The following KIRREL3 variants were observed in gnomAD, a reference collection of about 807,000 sequenced individuals.
KIRREL3 encodes the protein kin of IRRE-like protein 3.
In KIRREL3, 36 loss-of-function variants were observed where a neutral mutation model predicts 89.7. The ratio of observed to expected loss-of-function variants is 0.40; its 90% confidence interval spans 0.31 to 0.53. The LOEUF is 0.53. KIRREL3 is among the 20% of genes least tolerant of loss of function. The pLI is 0.49. For missense variants in KIRREL3, 864 were observed against 1,056.6 expected (o/e 0.82, Z 2.53); for synonymous variants, 445 against 441.4 (o/e 1.01, Z -0.10).
At chr11:126,936,360 A>G (rs889188296) in intron 1 of KIRREL3, 6 of 152,230 alleles carry the variant, frequency 3.9e-5, no homozygotes, top group Non-Finnish European at 7.3e-5. Flanking sequence ...TAAATTTACC[A>G]TATGATCCAG....
chr11:126,425,571 G>T, intron 16 of KIRREL3, 67 bp downstream of exon 16: 2 of 1,312,786 alleles, frequency 1.5e-6, no homozygotes, highest in Non-Finnish European at 1.1e-6. Context: ...ATAGATTTGG[G>T]GTTTGGGCCA....
In KIRREL3 at chr11:126,941,209, C is replaced by G. The variant is rs542894405; in HGVS notation, c.55+59246G>C. Among the ~76,000 whole-genome samples, 4 of 152,208 alleles carry G rather than the reference C, an allele frequency of 2.6e-5. No individual in the cohort carries two copies. In the South Asian group the frequency reaches 6.2e-4, roughly 24 times the overall value. ...TCCTCTTGTCTCTCAGTGTTAGACT[C>G]ACCCTCAGCATCATTTTTGGCAGTG... On this transcript the variant is annotated intron_variant, in intron 1 of 16. Transcript: ENST00000525144.
rs1032791507 is a variant in KIRREL3 at position 126,766,746 on chromosome 11, A to G, written c.56-203834T>C. On this transcript the variant is annotated intron_variant, in intron 1 of 16. Transcript: ENST00000525144. This position sits in a 1 kb window ranked among gnomAD's most constrained non-coding sequence, Gnocchi z 4.2. Reference sequence around the variant, plus strand: ...GCCTGGGGGAGGCGGGTGTTGTAAAACTTAATGATCATCTTTCTGACTGGG... The same window carrying G: ...GCCTGGGGGAGGCGGGTGTTGTAAAGCTTAATGATCATCTTTCTGACTGGG... Among the ~76,000 whole-genome samples the G allele has an allele frequency of 3.9e-5, 6 of 152,154 alleles. No homozygotes were observed. Among genetic ancestry groups the G allele is most frequent in the Non-Finnish European group, 7.4e-5 (5 of 68,026 alleles).
intron 1 of KIRREL3, among the ~76,000 whole-genome samples, chr11:126,625,278 GCTTCCCCTGGTCTATTCTCAGTTAC>G (rs1397961571): frequency 6.6e-6 from 1 of 152,104 alleles, no homozygotes; most frequent in Non-Finnish European, 1.5e-5. Flanking sequence ...TCTCAGGACT[GCTTCCCCTGGTCTATTCTCAGTTAC>G]CTTTAGGTAG....
At position 126,830,339 on chromosome 11, in the gene KIRREL3, A is replaced by G. The variant is rs564451448; in HGVS notation, c.55+170116T>C. Reference sequence around the variant, plus strand: ...TTGCCACTTTCCATCCTCCTGCTTCATAAGTATGAACAGCATCATTACCAA... The same window carrying G: ...TTGCCACTTTCCATCCTCCTGCTTCGTAAGTATGAACAGCATCATTACCAA... On this transcript the variant is annotated intron_variant, in intron 1 of 16. Transcript: ENST00000525144. The surrounding 1 kb of genome is among the most constrained non-coding windows in gnomAD (Gnocchi z 4.9). Among the ~76,000 whole-genome samples, 25 of 152,322 alleles carry G rather than the reference A, an allele frequency of 1.6e-4. No individual in the cohort carries two copies. The highest frequency in any genetic ancestry group is 3.4e-3 in the Middle Eastern group (1 of 294).
intron 1 of KIRREL3, among the ~76,000 whole-genome samples, chr11:126,866,578 C>G (rs894249454): frequency 1.1e-5 from 1 of 87,486 alleles, no homozygotes; most frequent in Admixed American, 1.3e-4. Context: ...TAAGTGAGGA[C>G]AAGCCACTCC....
intron 1 of KIRREL3, among the ~76,000 whole-genome samples, chr11:126,674,570 C>A (rs1325284068): frequency 6.6e-6 from 1 of 152,186 alleles, no homozygotes; most frequent in Non-Finnish European, 1.5e-5. Flanking sequence ...TAATTCCAAG[C>A]AAGAAATCAT....
At chr11:126,743,576 T>G (rs1255314730) in intron 1 of KIRREL3, among the ~76,000 whole-genome samples, 1 of 152,236 alleles carries the variant, frequency 6.6e-6, no homozygotes, top group African/African-American at 2.4e-5. Context: ...GAAGAATTCT[T>G]GTTGGACGAA....
chr11:126,922,871 T>C (rs1218151946), intron 1 of KIRREL3, among the ~76,000 whole-genome samples: 2 of 152,198 alleles, frequency 1.3e-5, no homozygotes, highest in East Asian at 3.9e-4. Flanking sequence ...CAATCCGCAG[T>C]GTTCTGGCAC....
At chr11:126,818,613 GTA>G in intron 1 of KIRREL3, among the ~76,000 whole-genome samples, 1 of 92,354 alleles carries the variant, frequency 1.1e-5, no homozygotes, top group South Asian at 3.7e-4. Context: ...TGTAGTAGTA[GTA>G]GTAGTAGTAG....
At position 126,575,657 on chromosome 11, in the gene KIRREL3, T is replaced by C. The variant is rs1941216850; in HGVS notation, c.56-12745A>G. Among the ~76,000 whole-genome samples the C allele has an allele frequency of 1.3e-5, 2 of 152,196 alleles. No homozygotes were observed. Among genetic ancestry groups the C allele is most frequent in the South Asian group, 4.1e-4 (2 of 4,830 alleles). ...CCAGTTCTGTAGCTTGAATAGAGAC[T>C]GCTATGTTGTTGGAGTTAATACCCA... On this transcript the variant is annotated intron_variant, in intron 1 of 16. Transcript: ENST00000525144. The surrounding 1 kb of genome is among the most constrained non-coding windows in gnomAD (Gnocchi z 7.0).
At chr11:126,546,467 GACCA>G (rs1327744171) in intron 2 of KIRREL3, among the ~76,000 whole-genome samples, 3 of 152,240 alleles carry the variant, frequency 2.0e-5, no homozygotes. Flanking sequence ...GCTCCTTGGA[GACCA>G]GGCACAGAGC....
chr11:126,880,685 T>G (rs1284766439), intron 1 of KIRREL3, among the ~76,000 whole-genome samples: 1 of 152,110 alleles, frequency 6.6e-6, no homozygotes, highest in Non-Finnish European at 1.5e-5. Flanking sequence ...ACTGCATGTT[T>G]ACACTTAGCA....
At position 126,923,220 on chromosome 11, in the gene KIRREL3, T is replaced by TTC. The variant is rs1348792123; in HGVS notation, c.55+77233_55+77234dup. ...CTTCTTCTTCTTCTTCTTCTTCTTC[T>TTC]TCTTCTTCTTCTTCTTCTTCTTCTT... On this transcript the variant is annotated intron_variant, in intron 1 of 16. Transcript: ENST00000525144. Among the ~76,000 whole-genome samples the TTC allele has an allele frequency of 5.1e-4, 14 of 27,550 alleles. 1 individual carries two copies. The highest frequency in any genetic ancestry group is 1.7e-3 in the African/African-American group (9 of 5,404). The allele number at this position is 27,550 out of a possible 152,430, so 18.1% of individuals were successfully genotyped here.
rs913151427 is a variant in KIRREL3, at chr11:126,606,685, G to T, written c.56-43773C>A. ...TTCCAAGCTGCATAACTTGGTTCAA[G>T]GTTGGCAGTGAGGGGAGAGACCCAG... On this transcript the variant is annotated intron_variant, in intron 1 of 16. Transcript: ENST00000525144. This position sits in a 1 kb window ranked among gnomAD's most constrained non-coding sequence, Gnocchi z 4.6. Among the ~76,000 whole-genome samples the T allele has an allele frequency of 1.3e-5, 2 of 152,168 alleles. No homozygotes were observed. Among genetic ancestry groups the T allele is most frequent in the Non-Finnish European group, 2.9e-5 (2 of 68,026 alleles).
chr11:126,767,853 G>T (rs899546949), intron 1 of KIRREL3, among the ~76,000 whole-genome samples: 1 of 152,202 alleles, frequency 6.6e-6, no homozygotes, highest in Non-Finnish European at 1.5e-5. Flanking sequence ...CTGACAATTT[G>T]ATTGGTGAGA....
At position 126,844,753 on chromosome 11, in the gene KIRREL3, C is replaced by G. The variant is rs1281591746; in HGVS notation, c.55+155702G>C. On this transcript the variant is annotated intron_variant, in intron 1 of 16. Transcript: ENST00000525144. This position sits in a 1 kb window ranked among gnomAD's most constrained non-coding sequence, Gnocchi z 4.8. ...TCTCTTTGGATTATTTTACTTGGCA[C>G]TCTTTGCTGAAGGCTATGGGTGACA... 6.6e-6 allele frequency among the ~76,000 whole-genome samples: 1 copy of G among 152,170 alleles called. No individual in the cohort carries two copies. The highest frequency in any genetic ancestry group is 2.4e-5 in the African/African-American group (1 of 41,432).
Position 126,734,963 on chromosome 11 carries a change from G to A in KIRREL3, c.56-172051C>T, listed in dbSNP as rs911378808. 5.9e-5 allele frequency among the ~76,000 whole-genome samples: 9 copies of A among 152,210 alleles called. No individual in the cohort carries two copies. Among genetic ancestry groups the A allele is most frequent in the Non-Finnish European group, 1.0e-4 (7 of 68,038 alleles). On this transcript the variant is annotated intron_variant, in intron 1 of 16. Coordinates refer to ENST00000525144, the MANE Select transcript of KIRREL3 (RefSeq NM_032531.4). This position sits in a 1 kb window ranked among gnomAD's most constrained non-coding sequence, Gnocchi z 5.9. The stretch of plus-strand genomic sequence containing the variant: ...GTGCCTGGCTCCGACCAAGGGCAGG[G>A]TCAATGTGCACTGCCTGCAGCAAGC...
At chr11:126,893,543 A>T (rs997685220) in intron 1 of KIRREL3, among the ~76,000 whole-genome samples, 1 of 152,236 alleles carries the variant, frequency 6.6e-6, no homozygotes, top group African/African-American at 2.4e-5. Flanking sequence ...AAACGGAAAC[A>T]TTGAACCGGC....
Sources: gnomAD v4.1 joint callset for allele counts (sites outside exome capture counted in the v4.1 genomes callset) on GRCh38, gnomAD v4.1.1 for gene constraint, Gnocchi (gnomAD v3.1) non-coding constraint, MANE v1.5 for transcripts, NCBI Gene and HGNC (gene_info 2026-07-23, HGNC 2026-07-21) for gene names.